The following TTC21B variants were observed in gnomAD, a reference collection of about 807,000 sequenced individuals.
TTC21B encodes the protein tetratricopeptide repeat protein 21B.
TTC21B carries 127 observed loss-of-function variants against 175.1 expected under a neutral mutation model. The ratio of observed to expected loss-of-function variants is 0.73; its 90% CI spans 0.63 to 0.84. The LOEUF is 0.84. TTC21B is among the 40% of genes least tolerant of loss of function. The pLI, the probability that TTC21B is intolerant of heterozygous loss-of-function variation, is 0.00. For missense variants in TTC21B, 1,561 were observed against 1,558.3 expected (o/e 1.00, Z -0.03); for synonymous variants, 524 against 524.5 (o/e 1.00, Z 0.01).
At chr2:165,887,672 A>G (rs1388230608) in intron 25 of TTC21B, among the ~76,000 whole-genome samples, 2 of 152,040 alleles carry the variant, frequency 1.3e-5, no homozygotes, top group African/African-American at 4.8e-5. Context: ...GGGCGACAAG[A>G]GCAAAACTCC....
At chr2:165,918,594 C>T (rs1686272638) in intron 13 of TTC21B, among the ~76,000 whole-genome samples, 1 of 152,164 alleles carries the variant, frequency 6.6e-6, no homozygotes. Context: ...CACGCCCGGC[C>T]TTCTGCAAAT....
At chr2:165,941,845 AT>A (rs1687380126) in intron 5 of TTC21B, among the ~76,000 whole-genome samples, 1 of 152,156 alleles carries the variant, frequency 6.6e-6, no homozygotes, top group Non-Finnish European at 1.5e-5. Context: ...GTAGACGTAG[AT>A]TTACTGACAT....
At chr2:165,932,632 T>A (rs1308582876) in intron 7 of TTC21B, among the ~76,000 whole-genome samples, 3 of 152,056 alleles carry the variant, frequency 2.0e-5, no homozygotes, top group Non-Finnish European at 4.4e-5. Context: ...ACATACTTTC[T>A]CATATCTAGT....
intron 22 of TTC21B, among the ~76,000 whole-genome samples, chr2:165,892,863 G>T (rs1401376367): frequency 6.6e-6 from 1 of 152,074 alleles, no homozygotes; most frequent in East Asian, 1.9e-4. Flanking sequence ...TTAAGATGAT[G>T]AATTTTGTGT....
chr2:165,919,908 G>C (rs914801293), intron 12 of TTC21B, among the ~76,000 whole-genome samples: 1 of 151,988 alleles, frequency 6.6e-6, no homozygotes, highest in Non-Finnish European at 1.5e-5. Flanking sequence ...AACAAAAAAG[G>C]CCTAAGGATA....
intron 8 of TTC21B, among the ~76,000 whole-genome samples, chr2:165,930,697 G>A (rs1897425): frequency 0.28 from 40,282 of 144,582 alleles, 6,636 homozygotes; most frequent in Non-Finnish European, 0.38. Flanking sequence ...AGATTAAACA[G>A]GAAAACCATT....
chr2:165,927,322 T>C (rs1460875480), intron 11 of TTC21B, among the ~76,000 whole-genome samples: 1 of 56,310 alleles, frequency 1.8e-5, no homozygotes, highest in Non-Finnish European at 4.4e-5. Flanking sequence ...TATTATATAA[T>C]ATATATATAA....
chr2:165,891,179 T>C (rs186903431), intron 22 of TTC21B, among the ~76,000 whole-genome samples, 191 bp from the exon 23 acceptor site: 71 of 152,162 alleles, frequency 4.7e-4, no homozygotes, highest in African/African-American at 1.2e-3. Flanking sequence ...ATAATACAGT[T>C]TGGGCTAGGC....
chr2:165,919,007 AAT>A (rs1351839583), intron 13 of TTC21B, among the ~76,000 whole-genome samples: 2 of 152,182 alleles, frequency 1.3e-5, no homozygotes, highest in Non-Finnish European at 2.9e-5. Flanking sequence ...AGTATTAGTA[AAT>A]GAGTTTTACA....
intron 6 of TTC21B, among the ~76,000 whole-genome samples, chr2:165,938,866 T>C (rs1687262786): frequency 6.6e-6 from 1 of 152,102 alleles, no homozygotes; most frequent in South Asian, 2.1e-4. Context: ...ATTTGGATCC[T>C]GATTAAAAAA....
At position 165,907,775 on chromosome 2, in the gene TTC21B, A is replaced by C. The variant is rs1007975630; in HGVS notation, c.2471T>G (p.Leu824Arg). Residue 824 changes from leucine to arginine, a missense_variant, in exon 19 of 29, where the codon CTG (leucine) becomes CGG (arginine). Transcript: ENST00000243344. ...HALAHEPVNELSALMEDGRCQ... is the reference protein window; with the variant it reads ...HALAHEPVNERSALMEDGRCQ... ...ACGTCCATCCTCCATGAGAGCTGAC[A>C]GTTCATTTACTATGAAAGAATGGAA... The C allele has an allele frequency of 6.2e-6, 10 of 1,608,360 alleles. 1 individual carries two copies. The highest frequency in any genetic ancestry group is 8.5e-6 in the Non-Finnish European group (10 of 1,175,312).
chr2:165,912,677 C>T, intron 16 of TTC21B, 53 bp from the exon 17 acceptor site: 1 of 1,309,914 alleles, frequency 7.6e-7, no homozygotes, highest in Non-Finnish European at 1.1e-6. Context: ...TAACTGGGTC[C>T]CATTAAAGGG....
intron 27 of TTC21B, among the ~76,000 whole-genome samples, chr2:165,880,431 G>A (rs1186955958): frequency 6.6e-6 from 1 of 152,172 alleles, no homozygotes; most frequent in Non-Finnish European, 1.5e-5. Flanking sequence ...TTAGAAGGAA[G>A]AGAAGGGGGC....
At chr2:165,877,705 ATATG>A (rs1302046997) in intron 27 of TTC21B, among the ~76,000 whole-genome samples, 1 of 152,192 alleles carries the variant, frequency 6.6e-6, no homozygotes, top group Non-Finnish European at 1.5e-5. Context: ...GTATGTTTAT[ATATG>A]TGTGTGTATA....
At chr2:165,913,862 T>G (rs1309444324) in intron 15 of TTC21B, among the ~76,000 whole-genome samples, 1 of 152,212 alleles carries the variant, frequency 6.6e-6, no homozygotes, top group Admixed American at 6.5e-5. Flanking sequence ...ATCTTTCCAT[T>G]TTCTGAAATG....
At chr2:165,898,659 CA>C in intron 22 of TTC21B, 26 bp downstream of exon 22, 4 of 1,515,476 alleles carry the variant, frequency 2.6e-6, no homozygotes, top group Non-Finnish European at 3.7e-6. Context: ...TGACTGCACT[CA>C]AAAAATACAA....
In TTC21B at chr2:165,941,529, C is replaced by T. The variant is rs998054921; in HGVS notation, c.553-345G>A. On this transcript the variant is annotated intron_variant, in intron 5 of 28. Transcript: ENST00000243344. ...TTTCCAGGAAATTTTCAAGTAGCAT[C>T]TAAAATTTTAAGAAATTTTAGAAAT... 3.4e-4 allele frequency among the ~76,000 whole-genome samples: 51 copies of T among 152,038 alleles called. 1 individual carries two copies. The highest frequency in any genetic ancestry group is 1.2e-3 in the African/African-American group (50 of 41,464).
intron 11 of TTC21B, among the ~76,000 whole-genome samples, chr2:165,928,387 G>C (rs1367996538): frequency 1.3e-5 from 2 of 152,122 alleles, no homozygotes; most frequent in African/African-American, 2.4e-5. Context: ...TTTATAAAAA[G>C]AAAGTTGGAT....
Position 165,905,155 on chromosome 2 carries a change from A to G in TTC21B, c.2568+2523T>C, listed in dbSNP as rs150205593. ...GACAACAATAATAGAAAAGGCAAAG[A>G]TAGAATAATAGAATTTGGATAAGAA... is the stretch of plus-strand genomic sequence containing the variant. On this transcript the variant is annotated intron_variant, in intron 19 of 28. Coordinates refer to ENST00000243344, the MANE Select transcript of TTC21B (RefSeq NM_024753.5). 6.6e-5 allele frequency among the ~76,000 whole-genome samples: 10 copies of G among 152,220 alleles called. No individual in the cohort carries two copies. The East Asian group carries it at 1.9e-3, about 29-fold the overall frequency.
Sources: allele counts gnomAD v4.1 joint callset (sites outside exome capture counted in the v4.1 genomes callset), GRCh38; gene constraint gnomAD v4.1.1; transcripts MANE v1.5; gene names NCBI Gene and HGNC (gene_info 2026-07-23, HGNC 2026-07-21).